The following PEBP4 variants were observed in gnomAD, a reference collection of about 807,000 sequenced individuals.
PEBP4 encodes phosphatidylethanolamine-binding protein 4.
A neutral mutation model predicts 23.9 loss-of-function variants in PEBP4; 22 were observed. That is an observed-to-expected ratio of 0.92 (90% CI 0.66 to 1.31). The LOEUF is 1.31. PEBP4 is among the 40% of genes most tolerant of loss of function. PEBP4 has a pLI of 0.00. For synonymous variants in PEBP4, 112 were observed against 99.3 expected (o/e 1.13, Z -0.76); for missense variants, 324 against 281.7 (o/e 1.15, Z -1.07).
chr8:22,919,662 C>T (rs999605843), intron 3 of PEBP4, among the ~76,000 whole-genome samples: 2 of 152,208 alleles, frequency 1.3e-5, no homozygotes, highest in African/African-American at 2.4e-5. Flanking sequence ...AAAAGAAGAG[C>T]GTGTCTCATG....
At chr8:22,770,160 C>A (rs1019825144) in intron 4 of PEBP4, among the ~76,000 whole-genome samples, 4 of 152,184 alleles carry the variant, frequency 2.6e-5, no homozygotes, top group African/African-American at 7.2e-5. Context: ...ATGGCGGGCA[C>A]CTTTGTGTGA....
At chr8:22,881,271 T>G (rs1451014278) in intron 3 of PEBP4, among the ~76,000 whole-genome samples, 1 of 152,232 alleles carries the variant, frequency 6.6e-6, no homozygotes, top group Non-Finnish European at 1.5e-5. Context: ...TTGCTCATTT[T>G]GGGGTGCCTC....
intron 6 of PEBP4, among the ~76,000 whole-genome samples, chr8:22,723,229 C>T (rs1442060373): frequency 6.6e-6 from 1 of 152,186 alleles, no homozygotes; most frequent in Non-Finnish European, 1.5e-5. Context: ...CTTGCCTGGT[C>T]ACCAACATCT....
At chr8:22,848,610 T>C (rs1371191439) in intron 3 of PEBP4, among the ~76,000 whole-genome samples, 1 of 151,974 alleles carries the variant, frequency 6.6e-6, no homozygotes, top group Non-Finnish European at 1.5e-5. Flanking sequence ...CTTGGAGCCA[T>C]AAGAAACAGA....
At chr8:22,918,929 G>A (rs78236846) in intron 3 of PEBP4, among the ~76,000 whole-genome samples, 4 of 151,026 alleles carry the variant, frequency 2.6e-5, no homozygotes, top group Admixed American at 6.6e-5. Flanking sequence ...GTGTGTGTGT[G>A]CACATGTGCA....
At chr8:22,842,821 C>T (rs1376210976) in intron 3 of PEBP4, among the ~76,000 whole-genome samples, 1 of 152,186 alleles carries the variant, frequency 6.6e-6, no homozygotes, top group African/African-American at 2.4e-5. Flanking sequence ...GAACTACAGG[C>T]CCTGAATTTT....
intron 3 of PEBP4, among the ~76,000 whole-genome samples, chr8:22,839,941 G>T (rs760702328): frequency 2.0e-5 from 3 of 152,188 alleles, no homozygotes; most frequent in Non-Finnish European, 4.4e-5. Flanking sequence ...AATGAATTAA[G>T]GGAAGACAGC....
intron 4 of PEBP4, among the ~76,000 whole-genome samples, chr8:22,743,934 G>C (rs557091067): frequency 1.1e-4 from 17 of 152,166 alleles, no homozygotes; most frequent in South Asian, 2.1e-4. Context: ...CTGCTCACTC[G>C]GGGACCAGCC....
At chr8:22,883,497 T>C (rs1196472330) in intron 3 of PEBP4, among the ~76,000 whole-genome samples, 1 of 151,786 alleles carries the variant, frequency 6.6e-6, no homozygotes, top group Non-Finnish European at 1.5e-5. Context: ...CCAGGGAAGG[T>C]TGTATCTGCA....
rs114127261 is a variant in PEBP4, at chr8:22,797,593, A to G, written c.357+20044T>C. Among the ~76,000 whole-genome samples, 1,130 of 152,244 alleles carry G rather than the reference A, an allele frequency of 7.4e-3. 14 individuals carry two copies. Among genetic ancestry groups the G allele is most frequent in the African/African-American group, 0.026 (1,073 of 41,530 alleles). ...AGGGGATAGTAAGTGAAGAGGTTTG[A>G]AGGTAGGAGTAAGTAAGTTGCTGAT... On this transcript the variant is annotated intron_variant, in intron 4 of 6. Transcript: ENST00000256404.
chr8:22,783,394 G>C (rs1313449378), intron 4 of PEBP4, among the ~76,000 whole-genome samples: 1 of 152,200 alleles, frequency 6.6e-6, no homozygotes, highest in Non-Finnish European at 1.5e-5. Flanking sequence ...TTGGCTTAAG[G>C]CTCGACTTCC....
chr8:22,895,196 TG>T (rs1563252504), intron 3 of PEBP4, among the ~76,000 whole-genome samples: 1 of 152,228 alleles, frequency 6.6e-6, no homozygotes, highest in Non-Finnish European at 1.5e-5. Flanking sequence ...CTGGATCATC[TG>T]GGTATGGTTC....
intron 3 of PEBP4, among the ~76,000 whole-genome samples, chr8:22,856,144 C>T (rs1270197444): frequency 4.0e-5 from 6 of 150,506 alleles, no homozygotes; most frequent in Non-Finnish European, 3.0e-5. Flanking sequence ...GGATAATATA[C>T]CTAATGTACT....
chr8:22,940,478 C>A (rs866329585), intron 1 of PEBP4, among the ~76,000 whole-genome samples: 9 of 126,544 alleles, frequency 7.1e-5, no homozygotes, highest in African/African-American at 2.6e-4. Flanking sequence ...ACCACCTTTA[C>A]CATGAATTTC....
At chr8:22,938,667 A>G (rs4871842) in intron 1 of PEBP4, among the ~76,000 whole-genome samples, 12 of 151,946 alleles carry the variant, frequency 7.9e-5, no homozygotes, top group Admixed American at 6.5e-4. Context: ...TCAGAGAGGG[A>G]GGGGTGGATA....
At chr8:22,756,672 A>G (rs928113956) in intron 4 of PEBP4, among the ~76,000 whole-genome samples, 3 of 152,132 alleles carry the variant, frequency 2.0e-5, no homozygotes, top group Admixed American at 6.5e-5. Flanking sequence ...CTGTACAAAA[A>G]CCCACTTGCC....
At chr8:22,809,896 A>G (rs1221386878) in intron 4 of PEBP4, among the ~76,000 whole-genome samples, 1 of 152,254 alleles carries the variant, frequency 6.6e-6, no homozygotes, top group Non-Finnish European at 1.5e-5. Context: ...GGCACACCTT[A>G]CAGGTCACCT....
intron 2 of PEBP4, among the ~76,000 whole-genome samples, chr8:22,922,249 C>T (rs1437251360): frequency 6.6e-6 from 1 of 152,064 alleles, no homozygotes; most frequent in Admixed American, 6.5e-5. Context: ...CAGGCCTCTG[C>T]CCTGCTCAGC....
intron 3 of PEBP4, chr8:22,879,439 G>A (rs1287413808): frequency 6.6e-6 from 1 of 152,200 alleles, no homozygotes; most frequent in Non-Finnish European, 1.5e-5. Flanking sequence ...TCAAGCCAGT[G>A]GGGAGAGAAG....
Sources: gnomAD v4.1 joint callset for allele counts (sites outside exome capture counted in the v4.1 genomes callset) on GRCh38, gnomAD v4.1.1 for gene constraint, MANE v1.5 for transcripts, NCBI Gene and HGNC (gene_info 2026-07-23, HGNC 2026-07-21) for gene names.